Variants in NKAP observed in about 807,000 individuals in gnomAD.
The protein encoded by NKAP is NFKB activating protein, also known as NF-kappa-B-activating protein.
In NKAP, 4 loss-of-function variants were observed where a neutral mutation model predicts 35.6. The observed-to-expected ratio is 0.11, with a 90% CI of 0.06 to 0.26. The LOEUF (loss-of-function observed/expected upper bound fraction) is 0.26. Among genes scored for constraint, NKAP ranks in the 10% least tolerant of loss-of-function variants. The pLI, the probability that NKAP is intolerant of heterozygous loss-of-function variation, is 1.00. For missense variants in NKAP, 238 were observed against 321.9 expected (o/e 0.74, Z 1.99); for synonymous variants, 106 against 119.2 (o/e 0.89, Z 0.72).
rs754318614 is a variant in NKAP, at chrX:119,921,506, T to C, written c.*3714A>G. ...AGGAGGGAAAACCACATCAGAGCAA[T>C]AGGCAAGGAGGTGGCAAACTAGATA... is the stretch of plus-strand genomic sequence containing the variant. On this transcript the variant is annotated 3_prime_UTR_variant, in exon 9 of 9. Coordinates refer to ENST00000371410, the MANE Select transcript of NKAP (RefSeq NM_024528.4). The C allele has an allele frequency of 6.6e-5, 7 of 105,510 alleles. No individual in the cohort carries two copies. In the East Asian group the frequency reaches 2.1e-3, roughly 31 times the overall value. The allele number at this position is 105,510 out of a possible 1,213,427, so 8.7% of individuals were successfully genotyped here. A position where few individuals can be genotyped will look rare whatever the true frequency, so the allele number is the denominator to read the frequency against.
At chrX:119,940,967 C>G (rs769143456) in intron 1 of NKAP, among the ~76,000 whole-genome samples, 4 of 110,051 alleles carry the variant, frequency 3.6e-5, no homozygotes, top group African/African-American at 1.3e-4. Flanking sequence ...TGGCGAAACC[C>G]CGTCTCTACT....
intron 1 of NKAP, among the ~76,000 whole-genome samples, chrX:119,940,062 G>T (rs1245889799): frequency 9.1e-6 from 1 of 110,472 alleles, no homozygotes; most frequent in Non-Finnish European, 1.9e-5. Context: ...GGGGCTGGGC[G>T]TGGTGGCTCA....
chrX:119,927,857 T>C (rs928151378), intron 8 of NKAP, among the ~76,000 whole-genome samples: 4 of 112,195 alleles, frequency 3.6e-5, no homozygotes, highest in African/African-American at 1.3e-4. Context: ...TGATTTTGAT[T>C]GGGACTGTAT....
chrX:119,940,711 G>A (rs2056789019), intron 1 of NKAP, among the ~76,000 whole-genome samples: 1 of 112,147 alleles, frequency 8.9e-6, no homozygotes, highest in African/African-American at 3.2e-5. Flanking sequence ...ACTATGCAGA[G>A]TCAGACTGAG....
chrX:119,938,886 G>C lies in NKAP; in HGVS notation c.387-76C>G, dbSNP rs964055070. ...AAATATATAATCAAATTCAATAGGA[G>C]TCTAGTTAAGCCTTTTTTCCCTTTA... is the stretch of plus-strand genomic sequence containing the variant. On this transcript the variant is annotated intron_variant, in intron 1 of 8. Coordinates refer to ENST00000371410, the MANE Select transcript of NKAP (RefSeq NM_024528.4). 19 of 736,180 alleles carry C rather than the reference G, an allele frequency of 2.6e-5. No homozygotes were observed. The Admixed American group carries it at 5.7e-4, about 22-fold the overall frequency. The allele number at this position is 736,180 out of a possible 1,213,427, so 60.7% of individuals were successfully genotyped here. A position where few individuals can be genotyped will look rare whatever the true frequency, so the allele number is the denominator to read the frequency against.
chrX:119,938,318 T>A (rs1450526918), intron 2 of NKAP, among the ~76,000 whole-genome samples: 1 of 110,395 alleles, frequency 9.1e-6, no homozygotes, highest in Admixed American at 9.6e-5. Flanking sequence ...GAGGCGGAGG[T>A]TGCAGTGAGC....
Position 119,924,221 on chromosome X carries a change from G to A in NKAP, c.*999C>T, listed in dbSNP as rs1417845445. The A allele has an allele frequency of 1.8e-5, 2 of 110,751 alleles. No homozygotes were observed. The highest frequency in any genetic ancestry group is 3.8e-5 in the Non-Finnish European group (2 of 53,024). 9.1% of individuals were successfully genotyped at this position (110,751 alleles called of 1,213,427 possible). On this transcript the variant is annotated 3_prime_UTR_variant, in exon 9 of 9. Coordinates refer to ENST00000371410, the MANE Select transcript of NKAP (RefSeq NM_024528.4). ...GTCCATTTATAACACATTCAACACA[G>A]AGGAGTGATAATTTCCCAAAAGTTC...
intron 1 of NKAP, among the ~76,000 whole-genome samples, chrX:119,942,146 C>T (rs1195838614): frequency 5.4e-5 from 6 of 111,154 alleles, no homozygotes; most frequent in Non-Finnish European, 9.4e-5. Context: ...CTTTTTCTTC[C>T]GGCAGTGGGA....
intron 4 of NKAP, among the ~76,000 whole-genome samples, chrX:119,935,684 G>A: frequency 9.0e-6 from 1 of 111,533 alleles, no homozygotes; most frequent in Admixed American, 9.6e-5. Flanking sequence ...ATCAGAGGAA[G>A]GTGAATCTTT....
chrX:119,920,832 G>A lies in NKAP; in HGVS notation c.*4388C>T. Reference sequence around the variant, plus strand: ...AAAGTATTTTTTTCTATCACTATATGTATCACTTCTGAGTCTTACAGGTAT... The same window carrying A: ...AAAGTATTTTTTTCTATCACTATATATATCACTTCTGAGTCTTACAGGTAT... On this transcript the variant is annotated 3_prime_UTR_variant, in exon 9 of 9. Coordinates refer to ENST00000371410, the MANE Select transcript of NKAP (RefSeq NM_024528.4). 1 of 242,315 alleles carries A rather than the reference G, an allele frequency of 4.1e-6. No individual in the cohort carries two copies. Among genetic ancestry groups the A allele is most frequent in the Non-Finnish European group, 7.4e-6 (1 of 134,979 alleles). 20.0% of individuals were successfully genotyped at this position (242,315 alleles called of 1,213,427 possible).
chrX:119,935,325 G>T (rs1282221091), intron 4 of NKAP, among the ~76,000 whole-genome samples: 2 of 111,650 alleles, frequency 1.8e-5, no homozygotes, highest in Non-Finnish European at 3.8e-5. Flanking sequence ...ATTGTAGGCA[G>T]AGGGCCTCTC....
intron 8 of NKAP, among the ~76,000 whole-genome samples, chrX:119,927,061 C>CAAAAAA (rs757523569): frequency 1.6e-3 from 52 of 33,186 alleles, no homozygotes; most frequent in Non-Finnish European, 2.3e-3. Flanking sequence ...AACTAGGTCT[C>CAAAAAA]AAAAAAAAAA....
chrX:119,934,218 A>G (rs1184022461), intron 5 of NKAP, among the ~76,000 whole-genome samples: 1 of 109,032 alleles, frequency 9.2e-6, no homozygotes, highest in Non-Finnish European at 1.9e-5. Context: ...GGATCACTTG[A>G]GGTCAGGAGT....
At chrX:119,931,307 G>A (rs756688826) in intron 7 of NKAP, among the ~76,000 whole-genome samples, 1 of 111,400 alleles carries the variant, frequency 9.0e-6, no homozygotes, top group Non-Finnish European at 1.9e-5. Context: ...TTTGAGACCA[G>A]CCTGACCAAC....
intron 8 of NKAP, among the ~76,000 whole-genome samples, chrX:119,927,571 C>G (rs2056721172): frequency 9.0e-6 from 1 of 111,489 alleles, no homozygotes; most frequent in East Asian, 2.8e-4. Flanking sequence ...TCTTGAACTC[C>G]TGACCTCAGG....
chrX:119,924,426 T>C lies in NKAP; in HGVS notation c.*794A>G, dbSNP rs1273760905. 2 of 111,114 alleles carry C rather than the reference T, an allele frequency of 1.8e-5. No homozygotes were observed. The highest frequency in any genetic ancestry group is 3.8e-5 in the Non-Finnish European group (2 of 52,958). 9.2% of individuals were successfully genotyped at this position (111,114 alleles called of 1,213,427 possible). A position where few individuals can be genotyped will look rare whatever the true frequency, so the allele number is the denominator to read the frequency against. ...TTTTTTTGAGACAGAGTTTCACTCT[T>C]CTTGCCCAGGCTGGAGTGCAATGTC... On this transcript the variant is annotated 3_prime_UTR_variant, in exon 9 of 9. Transcript: ENST00000371410.
In NKAP at chrX:119,924,989, A is replaced by G. The variant is rs750269965; in HGVS notation, c.*231T>C. The G allele has an allele frequency of 5.2e-6, 2 of 382,799 alleles. No homozygotes were observed. Among genetic ancestry groups the G allele is most frequent in the Middle Eastern group, 7.5e-4 (1 of 1,338 alleles). 31.5% of individuals were successfully genotyped at this position (382,799 alleles called of 1,213,427 possible). A position where few individuals can be genotyped will look rare whatever the true frequency, so the allele number is the denominator to read the frequency against. The stretch of plus-strand genomic sequence containing the variant: ...GCGTGAGCAACCGTGCCCAGCCCAT[A>G]ATTTGGATTTTTAAACCAGAAAGTT... On this transcript the variant is annotated 3_prime_UTR_variant, in exon 9 of 9. Transcript: ENST00000371410.
intron 1 of NKAP, 144 bp downstream of exon 1, chrX:119,943,076 T>C: frequency 1.3e-6 from 1 of 764,085 alleles, no homozygotes; most frequent in South Asian, 2.7e-5. Flanking sequence ...AGGGTTGTCG[T>C]GGGTGGATTA....
Position 119,922,882 on chromosome X carries a change from T to C in NKAP, c.*2338A>G, listed in dbSNP as rs995966919. On this transcript the variant is annotated 3_prime_UTR_variant, in exon 9 of 9. Coordinates refer to ENST00000371410, the MANE Select transcript of NKAP (RefSeq NM_024528.4). ...TTATCACTCAGGTAATTTAAATTTATCATAGGCATGTAATAATAATGCAGA... is the reference window on the plus strand; with the variant it reads ...TTATCACTCAGGTAATTTAAATTTACCATAGGCATGTAATAATAATGCAGA... The C allele has an allele frequency of 9.0e-6, 1 of 111,607 alleles. No homozygotes were observed. Among genetic ancestry groups the C allele is most frequent in the Non-Finnish European group, 1.9e-5 (1 of 53,194 alleles). The allele number at this position is 111,607 out of a possible 1,213,427, so 9.2% of individuals were successfully genotyped here.
Sources: allele counts gnomAD v4.1 joint callset (sites outside exome capture counted in the v4.1 genomes callset), GRCh38; gene constraint gnomAD v4.1.1; transcripts MANE v1.5; gene names NCBI Gene and HGNC (gene_info 2026-07-23, HGNC 2026-07-21).